JMJD1C: variants seen among roughly 807,000 people sequenced by gnomAD.
The protein encoded by JMJD1C is jumonji domain containing 1C.
In JMJD1C, 31 loss-of-function variants were observed where a neutral mutation model predicts 245.3. The observed-to-expected ratio is 0.13, with a 90% CI of 0.09 to 0.17. JMJD1C has a LOEUF of 0.17. Ranked by LOEUF, JMJD1C falls within the 10% of genes least tolerant of loss-of-function variation. The pLI, the probability that JMJD1C is intolerant of heterozygous loss-of-function variation, is 1.00. For missense variants in JMJD1C, 2,691 were observed against 3,000.2 expected, an observed-to-expected ratio of 0.90 and a Z score of 2.41; for synonymous variants, 1,057 against 1,017.4, an observed-to-expected ratio of 1.04 and a Z score of -0.74.
intron 10 of JMJD1C, chr10:63,205,118 A>C: frequency 1.4e-6 from 1 of 707,502 alleles, no homozygotes; most frequent in Non-Finnish European, 1.7e-6. Flanking sequence ...ACTGTTAAGT[A>C]TCTCTTATTT....
intron 1 of JMJD1C, among the ~76,000 whole-genome samples, chr10:63,428,693 G>GA (rs1180279281): frequency 6.6e-6 from 1 of 151,692 alleles, no homozygotes; most frequent in Non-Finnish European, 1.5e-5. Flanking sequence ...TAAGAACAAT[G>GA]AAAAAAAGAG....
intron 2 of JMJD1C, among the ~76,000 whole-genome samples, chr10:63,368,511 C>T (rs1946038217): frequency 6.6e-6 from 1 of 152,128 alleles, no homozygotes; most frequent in Non-Finnish European, 1.5e-5. Flanking sequence ...CTATACCTAT[C>T]CATGATAATA....
chr10:63,340,574 G>T (rs10733790), intron 2 of JMJD1C, among the ~76,000 whole-genome samples: 1 of 152,292 alleles, frequency 6.6e-6, no homozygotes. Context: ...AGAAACTGGA[G>T]AGCAGTGTAA....
chr10:63,511,871 T>G (rs1236547077), intron 1 of JMJD1C, among the ~76,000 whole-genome samples: 1 of 152,186 alleles, frequency 6.6e-6, no homozygotes, highest in Non-Finnish European at 1.5e-5. Flanking sequence ...CAATTGCCCA[T>G]GTATACTGAG....
intron 2 of JMJD1C, among the ~76,000 whole-genome samples, chr10:63,287,536 G>A (rs1199932042): frequency 1.3e-5 from 2 of 152,128 alleles, no homozygotes; most frequent in South Asian, 2.1e-4. Context: ...ATCTAGAATC[G>A]TTATGTTATG....
chr10:63,458,338 A>T (rs1293267179), intron 1 of JMJD1C, among the ~76,000 whole-genome samples: 1 of 152,072 alleles, frequency 6.6e-6, no homozygotes, highest in East Asian at 1.9e-4. Flanking sequence ...GTAAAAAAAA[A>T]TTAGCCAGGC....
intron 13 of JMJD1C, 85 bp downstream of exon 13, chr10:63,197,326 T>TA (rs1370004531): frequency 6.7e-6 from 8 of 1,188,318 alleles, no homozygotes; most frequent in East Asian, 5.2e-5. Context: ...AAAGTAGGAA[T>TA]AAAAAAACAC....
At chr10:63,246,274 A>C (rs1448927478) in intron 3 of JMJD1C, among the ~76,000 whole-genome samples, 1 of 152,294 alleles carries the variant, frequency 6.6e-6, no homozygotes, top group East Asian at 1.9e-4. Flanking sequence ...CATATATAAT[A>C]ATCAGACTCT....
chr10:63,266,488 G>A (rs574979510), intron 2 of JMJD1C, among the ~76,000 whole-genome samples: 2 of 152,188 alleles, frequency 1.3e-5, no homozygotes, highest in East Asian at 1.9e-4. Flanking sequence ...CCACCACTAC[G>A]TGACCAATTG....
intron 1 of JMJD1C, among the ~76,000 whole-genome samples, chr10:63,502,111 T>G (rs1359621477): frequency 2.0e-5 from 3 of 152,220 alleles, no homozygotes; most frequent in African/African-American, 2.4e-5. Context: ...TGATTCCTAT[T>G]GTGAAACATG....
In JMJD1C at chr10:63,337,613, G is replaced by GAAAAAGAAAAAGA. The variant is rs761619002; in HGVS notation, c.333+42704_333+42705insTCTTTTTCTTTTT. 2.5e-3 allele frequency among the ~76,000 whole-genome samples: 116 copies of GAAAAAGAAAAAGA among 45,564 alleles called. 9 individuals carry two copies. Among genetic ancestry groups the GAAAAAGAAAAAGA allele is most frequent in the African/African-American group, 0.01 (113 of 10,968 alleles). The allele number at this position is 45,564 out of a possible 152,430, so 29.9% of individuals were successfully genotyped here. On this transcript the variant is annotated intron_variant, in intron 2 of 25. Coordinates refer to ENST00000399262, the MANE Select transcript of JMJD1C (RefSeq NM_032776.3). The stretch of plus-strand genomic sequence containing the variant: ...GAAAAGAAAAGAAAAGAAAAGAAAA[G>GAAAAAGAAAAAGA]AAAAGAAAAGAAAAAGAAAAGAAAA...
intron 2 of JMJD1C, among the ~76,000 whole-genome samples, chr10:63,280,834 G>A (rs763898543): frequency 6.6e-6 from 1 of 152,046 alleles, no homozygotes; most frequent in African/African-American, 2.4e-5. Context: ...CAGAATTAAA[G>A]GTAAAAAGTA....
chr10:63,184,782 T>A (rs1324924381), intron 20 of JMJD1C, 44 bp from the exon 21 acceptor site: 1 of 1,539,888 alleles, frequency 6.5e-7, no homozygotes, highest in Non-Finnish European at 8.8e-7. Flanking sequence ...AAGATTTGCA[T>A]TGCTAAGTAT....
At position 63,428,062 on chromosome 10, in the gene JMJD1C, C is replaced by T. The variant is rs188406698; in HGVS notation, c.168+37433G>A. On this transcript the variant is annotated intron_variant, in intron 1 of 25. Transcript: ENST00000399262. The stretch of plus-strand genomic sequence containing the variant: ...TTTCCAGCCCTAAAAATACACACAA[C>T]ACACATATATATATATTAAGACAGC... The T allele has an allele frequency of 8.7e-6, 5 of 576,350 alleles. No individual in the cohort carries two copies. In the Admixed American group the frequency reaches 1.5e-4, roughly 17 times the overall value. 35.7% of individuals were successfully genotyped at this position (576,350 alleles called of 1,614,324 possible).
intron 2 of JMJD1C, among the ~76,000 whole-genome samples, chr10:63,306,054 A>C (rs1938178762): frequency 6.6e-6 from 1 of 152,024 alleles, no homozygotes; most frequent in African/African-American, 2.4e-5. Context: ...AGAAAAGAAA[A>C]AGACTTAGTC....
At chr10:63,406,975 A>G (rs940271857) in intron 1 of JMJD1C, among the ~76,000 whole-genome samples, 7 of 152,238 alleles carry the variant, frequency 4.6e-5, no homozygotes, top group African/African-American at 1.7e-4. Context: ...AAATAACAGC[A>G]AAACCAGTGG....
chr10:63,422,640 C>T lies in JMJD1C; in HGVS notation c.169-42158G>A, dbSNP rs147197154. On this transcript the variant is annotated intron_variant, in intron 1 of 25. Transcript: ENST00000399262. ...AATGAACATTAAACGTACTGGACTT[C>T]CAAACTATATGCTACTTTTTGCGTA... 3.4e-3 allele frequency among the ~76,000 whole-genome samples: 514 copies of T among 152,244 alleles called. 2 individuals are homozygous for T. Among genetic ancestry groups the T allele is most frequent in the African/African-American group, 0.011 (474 of 41,554 alleles).
At chr10:63,504,369 TTAGG>T (rs1327488066) in intron 1 of JMJD1C, among the ~76,000 whole-genome samples, 1 of 151,944 alleles carries the variant, frequency 6.6e-6, no homozygotes, top group African/African-American at 2.4e-5. Flanking sequence ...GATTAGGTGG[TTAGG>T]TGAGATTGGG....
chr10:63,324,269 G>A (rs55889883), intron 2 of JMJD1C, among the ~76,000 whole-genome samples: 2,041 of 151,640 alleles, frequency 0.013, 29 homozygotes, highest in African/African-American at 0.034. Flanking sequence ...ACACTATCTC[G>A]TATATCCTTA....
Sources: gnomAD v4.1 joint callset for allele counts (sites outside exome capture counted in the v4.1 genomes callset) on GRCh38, gnomAD v4.1.1 for gene constraint, MANE v1.5 for transcripts, NCBI Gene and HGNC (gene_info 2026-07-23, HGNC 2026-07-21) for gene names.